KCNH7: variants seen among roughly 807,000 people sequenced by gnomAD.
The protein encoded by KCNH7 is voltage-gated inwardly rectifying potassium channel KCNH7.
KCNH7 carries 49 observed loss-of-function variants against 120.8 expected under a neutral mutation model. The observed-to-expected ratio is 0.41, with a 90% CI of 0.32 to 0.51. The LOEUF (loss-of-function observed/expected upper bound fraction) is 0.51. Ranked by LOEUF, KCNH7 falls within the 20% of genes least tolerant of loss-of-function variation. The pLI, the probability that KCNH7 is intolerant of heterozygous loss-of-function variation, is 0.38. For synonymous variants in KCNH7, 547 were observed against 516.1 expected (o/e 1.06, Z -0.81); for missense variants, 1,097 against 1,446.6 (o/e 0.76, Z 3.92).
chr2:162,429,182 T>C (rs1449062039), intron 8 of KCNH7, among the ~76,000 whole-genome samples: 1 of 151,802 alleles, frequency 6.6e-6, no homozygotes, highest in Non-Finnish European at 1.5e-5. Flanking sequence ...ACATCTGCTT[T>C]AAATAGCATA....
intron 2 of KCNH7, among the ~76,000 whole-genome samples, chr2:162,793,161 C>A (rs564595453): frequency 6.6e-5 from 10 of 152,022 alleles, no homozygotes; most frequent in Admixed American, 2.0e-4. Context: ...ATAGGTGGAG[C>A]TGGAGGCCAT....
intron 2 of KCNH7, among the ~76,000 whole-genome samples, chr2:162,606,963 T>C (rs531518290): frequency 2.0e-5 from 3 of 152,304 alleles, no homozygotes; most frequent in Non-Finnish European, 2.9e-5. Flanking sequence ...GGGAATGTTA[T>C]ATTATCACTA....
At chr2:162,432,244 A>G (rs1370643848) in intron 8 of KCNH7, among the ~76,000 whole-genome samples, 1 of 152,012 alleles carries the variant, frequency 6.6e-6, no homozygotes, top group Non-Finnish European at 1.5e-5. Context: ...TCTCTCTGGA[A>G]TACATATTTC....
intron 2 of KCNH7, among the ~76,000 whole-genome samples, chr2:162,581,469 G>A (rs574633802): frequency 6.6e-6 from 1 of 152,106 alleles, no homozygotes; most frequent in Admixed American, 6.5e-5. Flanking sequence ...CCGTTACCAA[G>A]GTATTTGGGG....
chr2:162,379,899 CGTAGGTGAG>C lies in KCNH7; in HGVS notation c.3076_3084del (p.Leu1026_Tyr1028del). On this transcript the variant is annotated inframe_deletion, in exon 14 of 16. Coordinates refer to ENST00000332142, the MANE Select transcript of KCNH7 (RefSeq NM_033272.4). ...AGATCTAATCTTTGTTCCACTTCCC[CGTAGGTGAG>C]GTCGCTTTCGGTTTCAGAGATACCC... is the stretch of plus-strand genomic sequence containing the variant. The C allele has an allele frequency of 2.5e-6, 4 of 1,613,958 alleles. No homozygotes were observed. Among genetic ancestry groups the C allele is most frequent in the Non-Finnish European group, 2.5e-6 (3 of 1,179,936 alleles).
intron 2 of KCNH7, among the ~76,000 whole-genome samples, chr2:162,610,024 G>C (rs1682910821): frequency 6.6e-6 from 1 of 152,190 alleles, no homozygotes; most frequent in Non-Finnish European, 1.5e-5. Context: ...CACTTACTGT[G>C]TGTCTCTTTC....
intron 6 of KCNH7, among the ~76,000 whole-genome samples, chr2:162,482,788 A>C (rs1344492315): frequency 6.6e-6 from 1 of 152,182 alleles, no homozygotes; most frequent in Admixed American, 6.6e-5. Context: ...TTCATAGATT[A>C]ATCAAAATCT....
intron 2 of KCNH7, among the ~76,000 whole-genome samples, chr2:162,782,140 C>T (rs890150001): frequency 2.0e-5 from 3 of 152,200 alleles, no homozygotes; most frequent in African/African-American, 7.2e-5. Context: ...TTGCTACTGG[C>T]TTTTGTCCAC....
intron 2 of KCNH7, among the ~76,000 whole-genome samples, chr2:162,565,178 T>G (rs1165267529): frequency 3.9e-5 from 6 of 152,110 alleles, no homozygotes; most frequent in African/African-American, 1.2e-4. Context: ...ATTTTCAACC[T>G]TCTTCAGTTG....
chr2:162,651,953 A>G (rs1684581059), intron 2 of KCNH7, among the ~76,000 whole-genome samples: 1 of 152,148 alleles, frequency 6.6e-6, no homozygotes, highest in African/African-American at 2.4e-5. Flanking sequence ...TCTAATGATC[A>G]GTGATATTGA....
chr2:162,504,339 T>C, intron 6 of KCNH7, 104 bp downstream of exon 6: 1 of 815,490 alleles, frequency 1.2e-6, no homozygotes, highest in South Asian at 1.7e-5. Context: ...AAAGAAAAAA[T>C]GTCTTACCTC....
rs66809770 is a variant in KCNH7 at position 162,820,033 on chromosome 2, CTTTTTTTT to C, written c.307+16496_307+16503del. 4.2e-3 allele frequency among the ~76,000 whole-genome samples: 321 copies of C among 77,046 alleles called. 1 individual carries two copies. The highest frequency in any genetic ancestry group is 0.015 in the African/African-American group (307 of 19,952). The allele number at this position is 77,046 out of a possible 152,430, so 50.5% of individuals were successfully genotyped here. On this transcript the variant is annotated intron_variant, in intron 2 of 15. Coordinates refer to ENST00000332142, the MANE Select transcript of KCNH7 (RefSeq NM_033272.4). ...TTCGGGTATTTCTTTATTCCATAAA[CTTTTTTTT>C]TTTTTTTTTTTTTTTTGAGGTGGAG... is the stretch of plus-strand genomic sequence containing the variant.
intron 6 of KCNH7, among the ~76,000 whole-genome samples, chr2:162,496,191 T>C (rs1273555852): frequency 6.6e-6 from 1 of 152,092 alleles, no homozygotes; most frequent in Admixed American, 6.6e-5. Context: ...AGAATGGTGA[T>C]TGTCTACTTT....
intron 2 of KCNH7, among the ~76,000 whole-genome samples, chr2:162,541,660 G>T (rs997027572): frequency 1.3e-5 from 2 of 152,142 alleles, no homozygotes; most frequent in East Asian, 1.9e-4. Context: ...AGATACATGT[G>T]GGGGAACAAC....
intron 2 of KCNH7, among the ~76,000 whole-genome samples, chr2:162,833,739 A>G (rs1054524688): frequency 2.0e-5 from 3 of 152,154 alleles, no homozygotes; most frequent in Admixed American, 1.3e-4. Flanking sequence ...AACTGCATCA[A>G]TGTGAACTCA....
intron 14 of KCNH7, among the ~76,000 whole-genome samples, chr2:162,374,198 ATGC>A (rs1156703111): frequency 1.3e-5 from 2 of 152,138 alleles, no homozygotes; most frequent in African/African-American, 4.8e-5. Flanking sequence ...TTAATGTTTA[ATGC>A]TGTTAAATGT....
chr2:162,557,319 A>G (rs1439201655), intron 2 of KCNH7, among the ~76,000 whole-genome samples: 1 of 152,232 alleles, frequency 6.6e-6, no homozygotes, highest in Non-Finnish European at 1.5e-5. Flanking sequence ...AGAAGCATCC[A>G]AAAATGGGCG....
chr2:162,553,375 G>C (rs1278440668), intron 2 of KCNH7, among the ~76,000 whole-genome samples: 1 of 152,092 alleles, frequency 6.6e-6, no homozygotes, highest in Non-Finnish European at 1.5e-5. Flanking sequence ...CTGCTGTTCA[G>C]AAGACAAAAA....
chr2:162,621,634 T>C (rs1338358980), intron 2 of KCNH7, among the ~76,000 whole-genome samples: 1 of 152,180 alleles, frequency 6.6e-6, no homozygotes, highest in African/African-American at 2.4e-5. Context: ...ATAAATTCAG[T>C]AAGTATATAT....
Sources: gnomAD v4.1 joint callset for allele counts (sites outside exome capture counted in the v4.1 genomes callset) on GRCh38, gnomAD v4.1.1 for gene constraint, MANE v1.5 for transcripts, NCBI Gene and HGNC (gene_info 2026-07-23, HGNC 2026-07-21) for gene names.